The following PGS1 variants were observed in gnomAD, a reference collection of about 807,000 sequenced individuals.
The protein encoded by PGS1 is phosphatidylglycerophosphate synthase 1, also known as CDP-diacylglycerol--glycerol-3-phosphate 3-phosphatidyltransferase, mitochondrial.
In PGS1, 44 loss-of-function variants were observed where a neutral mutation model predicts 58.3. The ratio of observed to expected loss-of-function variants is 0.75; its 90% CI spans 0.59 to 0.97. The LOEUF (loss-of-function observed/expected upper bound fraction) is 0.97. PGS1 is among the 50% of genes least tolerant of loss of function. The probability of loss-of-function intolerance (pLI) is 0.00; values close to 1 mark genes in which losing one functional copy is unlikely to be tolerated. For missense variants in PGS1, 684 were observed against 731.1 expected (o/e 0.94, Z 0.74); for synonymous variants, 330 against 311.0 (o/e 1.06, Z -0.64).
At chr17:78,398,594 G>A (rs1352672372) in intron 4 of PGS1, among the ~76,000 whole-genome samples, 2 of 152,206 alleles carry the variant, frequency 1.3e-5, no homozygotes, top group African/African-American at 4.8e-5. Flanking sequence ...TCCCACTTGC[G>A]TGGGAGGCTG....
In PGS1 at chr17:78,384,955, C is replaced by T. The variant is rs543379600; in HGVS notation, c.143+6147C>T. Among the ~76,000 whole-genome samples, 7 of 152,324 alleles carry T rather than the reference C, an allele frequency of 4.6e-5. No homozygotes were observed. The South Asian group carries it at 1.2e-3, about 27-fold the overall frequency. On this transcript the variant is annotated intron_variant, in intron 1 of 9. Transcript: ENST00000262764. ...TCAGTGGCATCCCTTCTCTGAGAAGCGGGCGCCCGGTAGGGCCTCCAGGCG... is the reference window on the plus strand; with the variant it reads ...TCAGTGGCATCCCTTCTCTGAGAAGTGGGCGCCCGGTAGGGCCTCCAGGCG...
intron 9 of PGS1, among the ~76,000 whole-genome samples, chr17:78,422,415 T>A (rs528373774): frequency 6.6e-6 from 1 of 152,304 alleles, no homozygotes; most frequent in South Asian, 2.1e-4. Context: ...AACCCATGAT[T>A]TAGGTGAGTA....
intron 2 of PGS1, among the ~76,000 whole-genome samples, chr17:78,396,071 T>G (rs2083209809): frequency 6.6e-6 from 1 of 152,240 alleles, no homozygotes; most frequent in African/African-American, 2.4e-5. Flanking sequence ...CCGTGTTGCA[T>G]TTTATAGTTG....
chr17:78,391,255 A>G (rs2049534134), intron 1 of PGS1, among the ~76,000 whole-genome samples: 1 of 151,736 alleles, frequency 6.6e-6, no homozygotes, highest in Non-Finnish European at 1.5e-5. Flanking sequence ...GCCACGGCTC[A>G]TCATCACTCT....
At chr17:78,383,804 A>G (rs573608447) in intron 1 of PGS1, among the ~76,000 whole-genome samples, 10 of 152,322 alleles carry the variant, frequency 6.6e-5, no homozygotes, top group African/African-American at 1.4e-4. Flanking sequence ...GACTTTCTCA[A>G]TTGTAGCTTT....
chr17:78,408,600 G>GT lies in PGS1; in HGVS notation c.1402+4512dup, dbSNP rs560339252. 2.2e-4 allele frequency among the ~76,000 whole-genome samples: 33 copies of GT among 152,350 alleles called. No homozygotes were observed. The South Asian group carries it at 6.4e-3, about 30-fold the overall frequency. The stretch of plus-strand genomic sequence containing the variant: ...GAATAGATTGGCAGAAGGGAGTGGG[G>GT]TGGGGGCCTTGGATCCCTTGGTGCC... On this transcript the variant is annotated intron_variant, in intron 7 of 9. Coordinates refer to ENST00000262764, the MANE Select transcript of PGS1 (RefSeq NM_024419.5).
chr17:78,419,944 C>A (rs1420607055), intron 9 of PGS1: 2 of 1,207,580 alleles, frequency 1.7e-6, no homozygotes, highest in Non-Finnish European at 2.1e-6. Context: ...GCCTGTAGTC[C>A]CCTTCTGCTC....
intron 1 of PGS1, among the ~76,000 whole-genome samples, chr17:78,379,117 C>T (rs1238050024): frequency 6.6e-6 from 1 of 152,194 alleles, no homozygotes; most frequent in Admixed American, 6.5e-5. Context: ...CGTGCACTTA[C>T]ACGTTAAAAG....
chr17:78,391,897 T>C lies in PGS1; in HGVS notation c.144-579T>C, dbSNP rs184059816. Among the ~76,000 whole-genome samples the C allele has an allele frequency of 4.1e-3, 621 of 152,332 alleles. 2 individuals carry two copies. The highest frequency in any genetic ancestry group is 6.9e-3 in the Non-Finnish European group (469 of 68,018). The stretch of plus-strand genomic sequence containing the variant: ...CCTTGGCCTCCCAAAGTGCTAGGAT[T>C]ATAGGCCTGAGCCACCATGCTCGGC... On this transcript the variant is annotated intron_variant, in intron 1 of 9. Coordinates refer to ENST00000262764, the MANE Select transcript of PGS1 (RefSeq NM_024419.5).
At position 78,392,613 on chromosome 17, in the gene PGS1, G is replaced by T; in HGVS notation, c.281G>T (p.Ser94Ile). ...CTGGTTCCAGAATTTGGAGTCTCCA[G>T]TTCTCACGTTAGGGTGCTTTCTTCC... The part of the protein sequence containing the change: ...RNLVPEFGVS[S>I]SHVRVLSSPA... Residue 94 changes from serine (S) to isoleucine (I), a missense_variant, in exon 2 of 10, where the codon AGT becomes ATT. Coordinates refer to ENST00000262764, the MANE Select transcript of PGS1 (RefSeq NM_024419.5). 2 of 1,614,228 alleles carry T rather than the reference G, an allele frequency of 1.2e-6. No homozygotes were observed. The highest frequency in any genetic ancestry group is 1.7e-6 in the Non-Finnish European group (2 of 1,180,042).
chr17:78,411,779 C>A (rs2084719023), intron 7 of PGS1, among the ~76,000 whole-genome samples: 1 of 152,106 alleles, frequency 6.6e-6, no homozygotes, highest in Admixed American at 6.6e-5. Flanking sequence ...GAGTCCCAGG[C>A]CTGATAGTCT....
chr17:78,410,245 A>G (rs1043470362), intron 7 of PGS1, among the ~76,000 whole-genome samples: 1 of 152,128 alleles, frequency 6.6e-6, no homozygotes, highest in East Asian at 1.9e-4. Context: ...CCTGGCCAAC[A>G]TGGTGAAACC....
At chr17:78,404,780 C>T (rs369084709) in intron 7 of PGS1, among the ~76,000 whole-genome samples, 183 of 152,244 alleles carry the variant, frequency 1.2e-3, no homozygotes, top group African/African-American at 4.1e-3. Context: ...CCTGCCTCAG[C>T]CTTCCGAGTA....
intron 2 of PGS1, among the ~76,000 whole-genome samples, chr17:78,394,172 C>T (rs12938571): frequency 1.7e-4 from 1 of 5,926 alleles, no homozygotes; most frequent in African/African-American, 3.9e-4. Context: ...ACTCTATCTC[C>T]CAAAAAAAAA....
intron 9 of PGS1, chr17:78,423,822 G>A (rs2086209996): frequency 1.3e-6 from 2 of 1,522,360 alleles, no homozygotes; most frequent in Non-Finnish European, 1.8e-6. Context: ...ACCAGTTCCT[G>A]TAAAGAATAA....
At chr17:78,394,223 G>T (rs1322137888) in intron 2 of PGS1, among the ~76,000 whole-genome samples, 1 of 150,212 alleles carries the variant, frequency 6.7e-6, no homozygotes, top group Non-Finnish European at 1.5e-5. Context: ...ATGGGGCCAG[G>T]CAAGCAGGTA....
At chr17:78,396,257 G>C in intron 2 of PGS1, 51 bp from the exon 3 acceptor site, 5 of 1,408,366 alleles carry the variant, frequency 3.6e-6, no homozygotes, top group Non-Finnish European at 5.0e-6. Context: ...TGTTTTCTTA[G>C]TGAACCATGA....
rs933480788 is a variant in PGS1, at chr17:78,403,909, A to C, written c.1222A>C (p.Ile408Leu). 26 of 1,614,188 alleles carry C rather than the reference A, an allele frequency of 1.6e-5. No homozygotes were observed. The highest frequency in any genetic ancestry group is 2.2e-5 in the Non-Finnish European group (26 of 1,179,998). Residue 408 changes from isoleucine (I) to leucine (L), a missense_variant, in exon 7 of 10, where the codon ATC becomes CTC. Physicochemically the swap from Ile to Leu is conservative, Grantham distance 5. Coordinates refer to ENST00000262764, the MANE Select transcript of PGS1 (RefSeq NM_024419.5). ...LVLGTRAEYQ[I>L]LLASPEVNGF... ...CTTGGGCACTCGGGCTGAGTACCAG[A>C]TCCTGCTGGCCTCACCAGAGGTGAA...
intron 7 of PGS1, among the ~76,000 whole-genome samples, chr17:78,408,378 T>G (rs964515355): frequency 2.6e-5 from 4 of 152,198 alleles, no homozygotes; most frequent in Admixed American, 6.6e-5. Flanking sequence ...TGGCCACAGC[T>G]GAGGGGCCTG....
Sources: allele counts gnomAD v4.1 joint callset (sites outside exome capture counted in the v4.1 genomes callset), GRCh38; gene constraint gnomAD v4.1.1; transcripts MANE v1.5; gene names NCBI Gene and HGNC (gene_info 2026-07-23, HGNC 2026-07-21).